RBM14: variants seen among roughly 807,000 people sequenced by gnomAD.
RBM14 encodes RNA-binding protein 14.
A neutral mutation model predicts 52.8 loss-of-function variants in RBM14; 5 were observed. The observed-to-expected ratio is 0.09, with a 90% CI of 0.05 to 0.20. RBM14 has a LOEUF of 0.20. Among genes scored for constraint, RBM14 ranks in the 10% least tolerant of loss-of-function variants. The pLI is 1.00. For synonymous variants in RBM14, 411 were observed against 401.8 expected, an observed-to-expected ratio of 1.02 and a Z score of -0.28; for missense variants, 780 against 926.6, an observed-to-expected ratio of 0.84 and a Z score of 2.05.
At chr11:66,626,185 A>G (rs1937798888) in intron 2 of RBM14, among the ~76,000 whole-genome samples, 1 of 152,134 alleles carries the variant, frequency 6.6e-6, no homozygotes, top group Non-Finnish European at 1.5e-5. Context: ...CCAGGGGCGG[A>G]GATAGTTTGC....
intron 1 of RBM14, chr11:66,619,522 C>T (rs902647439): frequency 1.4e-4 from 22 of 151,792 alleles, no homozygotes; most frequent in African/African-American, 5.3e-4. Context: ...ACTGTTTCTT[C>T]TTCCTATACA....
Position 66,625,516 on chromosome 11 carries a change from C to G in RBM14, c.1640C>G (p.Ala547Gly). Residue 547 changes from alanine (A) to glycine (G), a missense_variant, in exon 2 of 3, where the codon GCC becomes GGC. Physicochemically the swap from Ala to Gly is moderately conservative, Grantham distance 60. Coordinates refer to ENST00000310137, the MANE Select transcript of RBM14 (RefSeq NM_006328.4). The surrounding 1 kb of genome is among the most constrained non-coding windows in gnomAD (Gnocchi z 4.2). ...AASYRGQPGN[A>G]YDGAGQPSAA... Reference sequence around the variant, plus strand: ...TCCTACCGCGGCCAGCCAGGCAATGCCTACGATGGGGCAGGTCAGCCGTCT... The same window carrying G: ...TCCTACCGCGGCCAGCCAGGCAATGGCTACGATGGGGCAGGTCAGCCGTCT... 1 of 1,612,776 alleles carries G rather than the reference C, an allele frequency of 6.2e-7. No individual in the cohort carries two copies. Among genetic ancestry groups the G allele is most frequent in the Non-Finnish European group, 8.5e-7 (1 of 1,179,478 alleles).
At chr11:66,617,486 A>T in intron 1 of RBM14, 1 of 1,006,812 alleles carries the variant, frequency 9.9e-7, no homozygotes, top group Non-Finnish European at 1.2e-6. Flanking sequence ...AAGAGGGAAA[A>T]GGTGGGGGCT....
intron 1 of RBM14, among the ~76,000 whole-genome samples, chr11:66,620,188 G>A (rs1859040780): frequency 6.6e-6 from 1 of 152,092 alleles, no homozygotes; most frequent in East Asian, 1.9e-4. Flanking sequence ...GAGTTAGCTG[G>A]GCAACCTATT....
At chr11:66,618,585 TAGAGTA>T in intron 1 of RBM14, 1 of 717,396 alleles carries the variant, frequency 1.4e-6, no homozygotes, top group Non-Finnish European at 2.6e-6. Flanking sequence ...TGCTTTTGTT[TAGAGTA>T]AAAGAGTGGT....
At chr11:66,620,638 T>C (rs959447505) in intron 1 of RBM14, among the ~76,000 whole-genome samples, 1 of 152,198 alleles carries the variant, frequency 6.6e-6, no homozygotes, top group Admixed American at 6.5e-5. Flanking sequence ...ATAAAACTCA[T>C]TTGGGTAGTC....
rs1215592173 is a variant in RBM14 at position 66,628,430 on chromosome 11, A to G, written c.*1762A>G. Among the ~76,000 whole-genome samples the G allele has an allele frequency of 6.6e-6, 1 of 152,190 alleles. No homozygotes were observed. Among genetic ancestry groups the G allele is most frequent in the East Asian group, 1.9e-4 (1 of 5,196 alleles). ...TTCATGTGAACTTGCCTGTGACAGA[A>G]TATCTTGCCCTAGATGTCCTCTTCC... On this transcript the variant is annotated 3_prime_UTR_variant, in exon 3 of 3. Coordinates refer to ENST00000310137, the MANE Select transcript of RBM14 (RefSeq NM_006328.4).
rs1318603377 is a variant in RBM14, at chr11:66,629,887, G to A, written c.*3219G>A. Among the ~76,000 whole-genome samples, 3 of 150,114 alleles carry A rather than the reference G, an allele frequency of 2.0e-5. No homozygotes were observed. The highest frequency in any genetic ancestry group is 2.1e-4 in the South Asian group (1 of 4,660). Reference sequence around the variant, plus strand: ...AGGCCAGGATTTTGAGACCAGCTTCGGCAATACGGTGAGACCTTGTCTCTA... The same window carrying A: ...AGGCCAGGATTTTGAGACCAGCTTCAGCAATACGGTGAGACCTTGTCTCTA... On this transcript the variant is annotated 3_prime_UTR_variant, in exon 3 of 3. Transcript: ENST00000310137.
intron 1 of RBM14, chr11:66,617,583 G>A: frequency 1.0e-6 from 1 of 988,230 alleles, no homozygotes; most frequent in Non-Finnish European, 1.2e-6. Flanking sequence ...CTCGGGCTGG[G>A]GTCTTTTAGT....
chr11:66,629,363 G>T lies in RBM14; in HGVS notation c.*2695G>T, dbSNP rs1418000423. ...CACCTAGAGGCTTTTAGCCTTGTCA[G>T]CCTGCCCTCTTCTGAGGTTTGGACC... On this transcript the variant is annotated 3_prime_UTR_variant, in exon 3 of 3. Transcript: ENST00000310137. Among the ~76,000 whole-genome samples the T allele has an allele frequency of 6.6e-6, 1 of 152,202 alleles. No homozygotes were observed. The highest frequency in any genetic ancestry group is 1.9e-4 in the East Asian group (1 of 5,198).
intron 1 of RBM14, chr11:66,619,205 T>G (rs1180077649): frequency 1.3e-5 from 2 of 152,194 alleles, no homozygotes; most frequent in Non-Finnish European, 2.9e-5. Flanking sequence ...CTGGGAATGG[T>G]CATTTGATTG....
chr11:66,617,169 C>T, intron 1 of RBM14, 112 bp downstream of exon 1: 1 of 1,470,466 alleles, frequency 6.8e-7, no homozygotes, highest in South Asian at 1.4e-5. Flanking sequence ...TGGGGAAGTG[C>T]GCGGGAGCAG....
rs1937886670 is a variant in RBM14, at chr11:66,627,883, T to G, written c.*1215T>G. On this transcript the variant is annotated 3_prime_UTR_variant, in exon 3 of 3. Coordinates refer to ENST00000310137, the MANE Select transcript of RBM14 (RefSeq NM_006328.4). The stretch of plus-strand genomic sequence containing the variant: ...TGGAATAAGGAAGGGCAGAGAAAAC[T>G]TGAAGCAGGTATGGGGCATTCTGGC... Among the ~76,000 whole-genome samples the G allele has an allele frequency of 6.6e-6, 1 of 152,134 alleles. No homozygotes were observed. Among genetic ancestry groups the G allele is most frequent in the Non-Finnish European group, 1.5e-5 (1 of 68,018 alleles).
chr11:66,617,048 G>A lies in RBM14; in HGVS notation c.328G>A (p.Val110Met). 6.3e-7 allele frequency: 1 copy of A among 1,584,904 alleles called. No individual in the cohort carries two copies. Among genetic ancestry groups the A allele is most frequent in the Non-Finnish European group, 8.6e-7 (1 of 1,162,440 alleles). The change falls in exon 1 of 3, where the codon GTG becomes ATG. Residue 110 changes from valine to methionine, a missense_variant. Coordinates refer to ENST00000310137, the MANE Select transcript of RBM14 (RefSeq NM_006328.4). ...CCGCGGACGCGTCATCGAGTGTGAC[G>A]TGGTGAAAGGTAACGCGGAGGCGCG... is the stretch of plus-strand genomic sequence containing the variant. ...ERRGRVIECD[V>M]VKDYAFVHME...
intron 1 of RBM14, among the ~76,000 whole-genome samples, chr11:66,621,440 C>T (rs1301799335): frequency 2.6e-5 from 4 of 151,574 alleles, no homozygotes; most frequent in Admixed American, 6.6e-5. Context: ...TACAGTGGCA[C>T]GATCTTGGCT....
chr11:66,618,525 G>A, intron 1 of RBM14: 1 of 717,402 alleles, frequency 1.4e-6, no homozygotes, highest in Admixed American at 2.0e-5. Context: ...ATCCGGAATC[G>A]GGCTTTCCTG....
In RBM14 at chr11:66,624,266, G is replaced by A. The variant is rs374537434; in HGVS notation, c.390G>A (p.Ala130=). Residue 130 remains alanine (A), a synonymous_variant, in exon 2 of 3, where the codon GCG becomes GCA. Coordinates refer to ENST00000310137, the MANE Select transcript of RBM14 (RefSeq NM_006328.4). The surrounding 1 kb of genome is among the most constrained non-coding windows in gnomAD (Gnocchi z 4.7). ...AAGCAGATGCCAAAGCCGCAATCGC[G>A]CAGCTCAACGGCAAAGAAGTGAAGG... ...EKEADAKAAI[A]QLNGKEVKGK... 2.5e-6 allele frequency: 4 copies of A among 1,607,862 alleles called. No homozygotes were observed. Among genetic ancestry groups the A allele is most frequent in the East Asian group, 2.2e-5 (1 of 44,726 alleles).
intron 1 of RBM14, among the ~76,000 whole-genome samples, chr11:66,623,724 ATG>A (rs766983608): frequency 1.3e-5 from 2 of 152,192 alleles, no homozygotes; most frequent in Non-Finnish European, 2.9e-5. Flanking sequence ...TTAATTGGAC[ATG>A]GGCTGAGAGA....
rs762205901 is a variant in RBM14 at position 66,625,161 on chromosome 11, C to G, written c.1285C>G (p.Pro429Ala). The change falls in exon 2 of 3, where the codon CCT becomes GCT. Residue 429 changes from proline to alanine, a missense_variant. Physicochemically the swap from Pro to Ala is conservative, Grantham distance 27. Coordinates refer to ENST00000310137, the MANE Select transcript of RBM14 (RefSeq NM_006328.4). This position sits in a 1 kb window ranked among gnomAD's most constrained non-coding sequence, Gnocchi z 4.2. ...GCAGGCTGCTTCCTACTCTTCCCAA[C>G]CTGCTGCCTATGTGGCACAGCCAGC... Reference protein sequence around the residue: ...AQQAASYSSQPAAYVAQPATA... With the variant: ...AQQAASYSSQAAAYVAQPATA... 38 of 1,612,642 alleles carry G rather than the reference C, an allele frequency of 2.4e-5. No homozygotes were observed. The highest frequency in any genetic ancestry group is 3.2e-5 in the Non-Finnish European group (38 of 1,180,006).
Sources: allele counts gnomAD v4.1 joint callset (sites outside exome capture counted in the v4.1 genomes callset), GRCh38; gene constraint gnomAD v4.1.1; non-coding constraint Gnocchi (gnomAD v3.1); transcripts MANE v1.5; gene names NCBI Gene and HGNC (gene_info 2026-07-23, HGNC 2026-07-21).